The following PNKP variants were observed in gnomAD, a reference collection of about 807,000 sequenced individuals.
PNKP encodes the protein bifunctional polynucleotide phosphatase/kinase.
A neutral mutation model predicts 66.2 loss-of-function variants in PNKP; 82 were observed. The ratio of observed to expected loss-of-function variants is 1.24; its 90% CI spans 1.04 to 1.49. The LOEUF is 1.49. PNKP is among the 40% of genes most tolerant of loss of function. The pLI, the probability that PNKP is intolerant of heterozygous loss-of-function variation, is 0.00. For synonymous variants in PNKP, 412 were observed against 298.9 expected, an observed-to-expected ratio of 1.38 and a Z score of -3.90; for missense variants, 907 against 706.8, an observed-to-expected ratio of 1.28 and a Z score of -3.21.
rs1459307960 is a variant in PNKP, at chr19:49,862,175, G to A, written c.1126+10C>T. ...GGCTCAGGGCACGCGCACAGGAACAGGACACTTACCCCCAGGGAATCCCAC... is the reference window on the plus strand; with the variant it reads ...GGCTCAGGGCACGCGCACAGGAACAAGACACTTACCCCCAGGGAATCCCAC... On this transcript the variant is annotated intron_variant, in intron 12 of 16. Transcript: ENST00000322344. 4 of 1,613,734 alleles carry A rather than the reference G, an allele frequency of 2.5e-6. No individual in the cohort carries two copies. The Admixed American group carries it at 6.7e-5, about 27-fold the overall frequency.
At position 49,864,045 on chromosome 19, in the gene PNKP, GCTCAT is replaced by G. The variant is rs1305043240; in HGVS notation, c.658_662del (p.Met220HisfsTer104). On this transcript the variant is annotated frameshift_variant, in exon 7 of 17. Transcript: ENST00000322344. LOFTEE classifies it high-confidence loss of function. Reference sequence around the variant, plus strand: ...CGGCTGGCAGCTTCCCGCGCCCGATGCTCATCTGGTTGGTGAAGATCACCAGCTGG... The same window carrying G: ...CGGCTGGCAGCTTCCCGCGCCCGATGCTGGTTGGTGAAGATCACCAGCTGG... 6.2e-7 allele frequency: 1 copy of G among 1,613,850 alleles called. No individual in the cohort carries two copies. Among genetic ancestry groups the G allele is most frequent in the Non-Finnish European group, 8.5e-7 (1 of 1,180,018 alleles).
At chr19:49,865,847 C>T in intron 3 of PNKP, 1 of 236,642 alleles carries the variant, frequency 4.2e-6, no homozygotes, top group Non-Finnish European at 8.4e-6. Flanking sequence ...CTCCTGATCT[C>T]GGGTGATCCG....
chr19:49,867,068 C>T lies in PNKP; in HGVS notation c.137G>A (p.Cys46Tyr). 1 of 1,613,974 alleles carries T rather than the reference C, an allele frequency of 6.2e-7. No individual in the cohort carries two copies. The highest frequency in any genetic ancestry group is 1.1e-5 in the South Asian group (1 of 91,086). ...GPLTQVTDRK[C>Y]SRTQVELVAD... ...GCCCCGCTCACCTTGAGTTCTGGAG[C>T]ACTTCCGGTCCGTAACCTGGGTCAG... Residue 46 changes from cysteine (C) to tyrosine (Y), a missense_variant, in exon 2 of 17, where the codon TGC becomes TAC. Physicochemically the swap from Cys to Tyr is radical, Grantham distance 194. Transcript: ENST00000322344.
At chr19:49,866,523 T>C in intron 2 of PNKP, 78 bp from the exon 3 acceptor site, 1 of 1,373,660 alleles carries the variant, frequency 7.3e-7, no homozygotes. Context: ...TGTGGCCTGC[T>C]TCAGGCTATA....
Position 49,861,752 on chromosome 19 carries a change from C to T in PNKP, c.1298+20G>A, listed in dbSNP as rs765634741. The T allele has an allele frequency of 2.2e-5, 35 of 1,559,046 alleles. No individual in the cohort carries two copies. The highest frequency in any genetic ancestry group is 1.1e-4 in the South Asian group (9 of 85,146). ...CGCCCACCCCGCCGCAGGCCACCTA[C>T]GGCCCCGCGGTCACGCTACCTGGCG... is the stretch of plus-strand genomic sequence containing the variant. On this transcript the variant is annotated intron_variant, in intron 14 of 16. Coordinates refer to ENST00000322344, the MANE Select transcript of PNKP (RefSeq NM_007254.4).
intron 7 of PNKP, 74 bp downstream of exon 7, chr19:49,863,890 T>G: frequency 2.1e-6 from 3 of 1,407,768 alleles, no homozygotes; most frequent in Non-Finnish European, 3.0e-6. Context: ...CCGCCCCGCT[T>G]ACCCTGGAGT....
In PNKP at chr19:49,861,221, T is replaced by G; in HGVS notation, c.*27A>C. ...GGCCAAGCTCAAGGAGAAACAGCGT[T>G]TATTGTGGAGGGGAGCTGGGCGGGG... On this transcript the variant is annotated 3_prime_UTR_variant, in exon 17 of 17. Transcript: ENST00000322344. 4 of 1,452,362 alleles carry G rather than the reference T, an allele frequency of 2.8e-6. No individual in the cohort carries two copies. Among genetic ancestry groups the G allele is most frequent in the Non-Finnish European group, 3.9e-6 (4 of 1,033,436 alleles). The allele number at this position is 1,452,362 out of a possible 1,614,324, so 90.0% of individuals were successfully genotyped here. A position where few individuals can be genotyped will look rare whatever the true frequency, so the allele number is the denominator to read the frequency against.
chr19:49,866,376 G>A lies in PNKP; in HGVS notation c.198+23C>T, dbSNP rs190056331. ...CCAAATCCCATCCCCAGGCCTTGCT[G>A]GCCCTTGCAGAGGCACTGATACCTG... On this transcript the variant is annotated intron_variant, in intron 3 of 16. Coordinates refer to ENST00000322344, the MANE Select transcript of PNKP (RefSeq NM_007254.4). 137 of 1,609,498 alleles carry A rather than the reference G, an allele frequency of 8.5e-5. No homozygotes were observed. The Admixed American group carries it at 2.2e-3, about 26-fold the overall frequency.
Position 49,861,884 on chromosome 19 carries a change from G to C in PNKP, c.1189-3C>G. On this transcript the variant is annotated splice_polypyrimidine_tract_variant and splice_region_variant and intron_variant, in intron 13 of 16. Transcript: ENST00000322344. ...CGCTGCCAGGAGCCTAGCGTGTCCT[G>C]GGGACACGAGAGGTCACAAACAGAT... 1.3e-6 allele frequency: 2 copies of C among 1,584,226 alleles called. No homozygotes were observed. Among genetic ancestry groups the C allele is most frequent in the Non-Finnish European group, 1.7e-6 (2 of 1,166,964 alleles).
At chr19:49,861,584 G>C (rs749968072) in intron 15 of PNKP, 24 bp downstream of exon 15, 2 of 1,560,482 alleles carry the variant, frequency 1.3e-6, no homozygotes, top group South Asian at 2.3e-5. Flanking sequence ...CAGCCCGGGG[G>C]GTGTCCGGGC....
At chr19:49,865,645 GTT>G in intron 3 of PNKP, 1 of 505,332 alleles carries the variant, frequency 2.0e-6, no homozygotes, top group Non-Finnish European at 3.3e-6. Flanking sequence ...ATATAGGCTT[GTT>G]TTGTCGCCCA....
chr19:49,862,711 C>T lies in PNKP; in HGVS notation c.844G>A (p.Gly282Arg), dbSNP rs751489111. ...QANDGTPISI[G>R]DSIFVGDAAG... The stretch of plus-strand genomic sequence containing the variant: ...TTACCTCCCACAAAGATGCTGTCCC[C>T]GATGGATATGGGCGTGCCGTCGTTG... Residue 282 changes from glycine to arginine, a missense_variant, in exon 9 of 17, where the codon GGG becomes AGG. Physicochemically the swap from Gly to Arg is moderately radical, Grantham distance 125. Transcript: ENST00000322344. The T allele has an allele frequency of 8.1e-6, 13 of 1,613,986 alleles. No homozygotes were observed. The highest frequency in any genetic ancestry group is 1.3e-5 in the African/African-American group (1 of 74,926).
chr19:49,862,735 TGGCCTACGGGAG>T lies in PNKP; in HGVS notation c.817-9_819del. On this transcript the variant is annotated splice_acceptor_variant and splice_polypyrimidine_tract_variant and coding_sequence_variant and intron_variant, in exon 9 of 17. Transcript: ENST00000322344. LOFTEE classifies it high-confidence loss of function. Reference sequence around the variant, plus strand: ...CCGATGGATATGGGCGTGCCGTCGTTGGCCTACGGGAGACGGTAGTGAGGAGGCCCTTCCCAC... The same window carrying T: ...CCGATGGATATGGGCGTGCCGTCGTTACGGTAGTGAGGAGGCCCTTCCCAC... The T allele has an allele frequency of 6.2e-7, 1 of 1,614,076 alleles. No homozygotes were observed. Among genetic ancestry groups the T allele is most frequent in the South Asian group, 1.1e-5 (1 of 91,078 alleles).
chr19:49,863,961 T>C lies in PNKP; in HGVS notation c.744+3A>G, dbSNP rs755269381. 3.1e-6 allele frequency: 5 copies of C among 1,608,602 alleles called. No homozygotes were observed. Among genetic ancestry groups the C allele is most frequent in the South Asian group, 2.2e-5 (2 of 90,932 alleles). On this transcript the variant is annotated splice_donor_region_variant and intron_variant, in intron 7 of 16. Transcript: ENST00000322344. The stretch of plus-strand genomic sequence containing the variant: ...TAGCTCCCAGCCTCCCTTCCAGCCA[T>C]ACCTGGAAGGGGACCCCCAGCTTCT...
intron 4 of PNKP, among the ~76,000 whole-genome samples, chr19:49,864,638 C>A (rs969316166): frequency 5.3e-5 from 8 of 152,300 alleles, no homozygotes; most frequent in African/African-American, 9.6e-5. Context: ...CCCAGGATTA[C>A]AGTCTTTAAA....
chr19:49,863,391 G>A (rs893643523), intron 8 of PNKP, among the ~76,000 whole-genome samples: 2 of 152,224 alleles, frequency 1.3e-5, no homozygotes, highest in African/African-American at 4.8e-5. Context: ...TGAGGGCCCT[G>A]CTGGAGCAGG....
intron 4 of PNKP, 119 bp from the exon 5 acceptor site, chr19:49,864,522 G>T: frequency 1.3e-6 from 1 of 799,324 alleles, no homozygotes; most frequent in Non-Finnish European, 2.2e-6. Context: ...CTCACAGATG[G>T]GGAAACCGAG....
At chr19:49,867,280 C>T in intron 1 of PNKP, 63 bp from the exon 2 acceptor site, 1 of 1,475,658 alleles carries the variant, frequency 6.8e-7, no homozygotes, top group South Asian at 1.2e-5. Flanking sequence ...GAAGTCCCGC[C>T]TCCTCCCACA....
At position 49,865,193 on chromosome 19, in the gene PNKP, G is replaced by A. The variant is rs367883177; in HGVS notation, c.432C>T (p.Asn144=). Residue 144 remains asparagine, a synonymous_variant, in exon 4 of 17, where the codon AAC becomes AAT. Transcript: ENST00000322344. ...ELPKKRMRKS[N]PGWENLEKLL... is the part of the protein sequence containing the mutation. The stretch of plus-strand genomic sequence containing the variant: ...ACTTCTCCAAGTTCTCCCAGCCGGG[G>A]TTTGACTTCCGCATACGCTTCTTCG... 3 of 1,614,118 alleles carry A rather than the reference G, an allele frequency of 1.9e-6. No individual in the cohort carries two copies. Among genetic ancestry groups the A allele is most frequent in the African/African-American group, 1.3e-5 (1 of 74,946 alleles).
Sources: gnomAD v4.1 joint callset for allele counts (sites outside exome capture counted in the v4.1 genomes callset) on GRCh38, gnomAD v4.1.1 for gene constraint, MANE v1.5 for transcripts, NCBI Gene and HGNC (gene_info 2026-07-23, HGNC 2026-07-21) for gene names.